ITGA2: variants seen among roughly 807,000 people sequenced by gnomAD.
ITGA2 encodes the protein integrin alpha-2.
In ITGA2, 101 loss-of-function variants were observed where a neutral mutation model predicts 146.3. The ratio of observed to expected loss-of-function variants is 0.69; its 90% CI spans 0.59 to 0.81. ITGA2 has a LOEUF of 0.81. ITGA2 is among the 40% of genes least tolerant of loss of function. ITGA2 has a pLI of 0.00. For missense variants in ITGA2, 1,281 were observed against 1,402.7 expected, an observed-to-expected ratio of 0.91 and a Z score of 1.39; for synonymous variants, 477 against 487.1, an observed-to-expected ratio of 0.98 and a Z score of 0.27.
In ITGA2 at chr5:53,079,768, CAT is replaced by C. The variant is rs994231562; in HGVS notation, c.2929-741_2929-740del. On this transcript the variant is annotated intron_variant, in intron 24 of 29. Coordinates refer to ENST00000296585, the MANE Select transcript of ITGA2 (RefSeq NM_002203.4). The stretch of plus-strand genomic sequence containing the variant: ...CTATTCAATTCGCGGTAATAACATT[CAT>C]AGAGTGTGTAATAAGTATACACCAG... 4.1e-4 allele frequency among the ~76,000 whole-genome samples: 62 copies of C among 152,218 alleles called. 1 individual carries two copies. Among genetic ancestry groups the C allele is most frequent in the African/African-American group, 1.4e-3 (59 of 41,546 alleles).
At chr5:53,014,654 A>G (rs772648869) in intron 1 of ITGA2, among the ~76,000 whole-genome samples, 12 of 152,092 alleles carry the variant, frequency 7.9e-5, no homozygotes, top group Non-Finnish European at 1.5e-4. Flanking sequence ...AATTTTTTGG[A>G]ATAATTTTAG....
At chr5:52,990,364 G>A (rs1435488800) in intron 1 of ITGA2, 1 of 152,346 alleles carries the variant, frequency 6.6e-6, no homozygotes, top group Non-Finnish European at 1.5e-5. Context: ...ACACTAAGAG[G>A]AGGAAATAAG....
intron 17 of ITGA2, among the ~76,000 whole-genome samples, chr5:53,070,684 A>G (rs1745350814): frequency 6.6e-6 from 1 of 152,084 alleles, no homozygotes; most frequent in Middle Eastern, 3.4e-3. Context: ...TAGATGAAAT[A>G]TAGTAGATTA....
At chr5:53,076,605 T>A (rs1745673855) in intron 23 of ITGA2, among the ~76,000 whole-genome samples, 1 of 152,108 alleles carries the variant, frequency 6.6e-6, no homozygotes, top group African/African-American at 2.4e-5. Flanking sequence ...AATTTTTTCC[T>A]TCTTATATTT....
chr5:53,042,452 A>G (rs936338505), intron 3 of ITGA2, among the ~76,000 whole-genome samples: 14 of 152,182 alleles, frequency 9.2e-5, no homozygotes, highest in African/African-American at 3.1e-4. Flanking sequence ...CCTATAGACC[A>G]TGGACTGGTT....
intron 2 of ITGA2, among the ~76,000 whole-genome samples, chr5:53,028,349 A>C (rs1743052809): frequency 6.6e-6 from 1 of 152,218 alleles, no homozygotes; most frequent in African/African-American, 2.4e-5. Flanking sequence ...TAATGTGAGG[A>C]GACTTAGAAA....
chr5:52,998,059 A>G (rs1353063003), intron 1 of ITGA2, among the ~76,000 whole-genome samples: 1 of 152,206 alleles, frequency 6.6e-6, no homozygotes. Context: ...AAATGCCTTT[A>G]TTATTACACA....
At position 53,091,156 on chromosome 5, in the gene ITGA2, TTTTA is replaced by T. The variant is rs1740401589; in HGVS notation, c.*563_*566del. On this transcript the variant is annotated 3_prime_UTR_variant, in exon 30 of 30. Coordinates refer to ENST00000296585, the MANE Select transcript of ITGA2 (RefSeq NM_002203.4). ...CACAGATGATACTTCCAAGTGATAA[TTTTA>T]TTTATAAACTAGGTAAAATTTGTTG... The T allele has an allele frequency of 5.8e-6, 1 of 172,396 alleles. No homozygotes were observed. Among genetic ancestry groups the T allele is most frequent in the South Asian group, 1.6e-4 (1 of 6,392 alleles). The allele number at this position is 172,396 out of a possible 1,614,324, so 10.7% of individuals were successfully genotyped here. A position where few individuals can be genotyped will look rare whatever the true frequency, so the allele number is the denominator to read the frequency against.
chr5:53,071,267 C>A lies in ITGA2; in HGVS notation c.2236-671C>A, dbSNP rs1332985449. ...TTATAGATTCCTTAAAGGAAAAAAT[C>A]TTATTTCCCTTCTCTCCCATCCTGT... On this transcript the variant is annotated intron_variant, in intron 17 of 29. Transcript: ENST00000296585. 2.0e-5 allele frequency among the ~76,000 whole-genome samples: 3 copies of A among 151,908 alleles called. No homozygotes were observed. In the East Asian group the frequency reaches 5.8e-4, roughly 30 times the overall value.
chr5:53,032,793 T>C lies in ITGA2; in HGVS notation c.185+5925T>C, dbSNP rs532305260. ...ATAGTTACCATCCATCTTTTCATCCTATCATAGACAGGAATTTCTTGTATG... is the reference window on the plus strand; with the variant it reads ...ATAGTTACCATCCATCTTTTCATCCCATCATAGACAGGAATTTCTTGTATG... On this transcript the variant is annotated intron_variant, in intron 2 of 29. Coordinates refer to ENST00000296585, the MANE Select transcript of ITGA2 (RefSeq NM_002203.4). Among the ~76,000 whole-genome samples the C allele has an allele frequency of 3.0e-4, 46 of 152,322 alleles. No homozygotes were observed. In the South Asian group the frequency reaches 8.3e-3, roughly 27 times the overall value.
chr5:53,050,301 C>T (rs1744290515), intron 6 of ITGA2, among the ~76,000 whole-genome samples: 1 of 152,114 alleles, frequency 6.6e-6, no homozygotes, highest in Non-Finnish European at 1.5e-5. Flanking sequence ...CCTGTAAGTT[C>T]TAACCTACCA....
At position 53,048,658 on chromosome 5, in the gene ITGA2, T is replaced by C; in HGVS notation, c.518T>C (p.Ile173Thr). Residue 173 changes from isoleucine (I) to threonine (T), a missense_variant, in exon 6 of 30, where the codon ATA becomes ACA. This residue lies in a region of ITGA2 where 795 missense variants were observed against 841.7 expected (regional missense o/e 0.94). Coordinates refer to ENST00000296585, the MANE Select transcript of ITGA2 (RefSeq NM_002203.4). ...TCCTGTGTAGCCTGCCCTTCCCTCA[T>C]AGATGTTGTGGTTGTGTGTGATGAA... ...SPATQPCPSL[I>T]DVVVVCDESN... is the part of the protein sequence containing the mutation. 5 of 1,614,082 alleles carry C rather than the reference T, an allele frequency of 3.1e-6. No individual in the cohort carries two copies. Among genetic ancestry groups the C allele is most frequent in the Non-Finnish European group, 4.2e-6 (5 of 1,179,968 alleles).
chr5:53,003,019 C>T (rs983826790), intron 1 of ITGA2, among the ~76,000 whole-genome samples: 10 of 152,064 alleles, frequency 6.6e-5, no homozygotes, highest in African/African-American at 2.4e-4. Context: ...AGTTCAGTGT[C>T]CTGCTTTATT....
intron 1 of ITGA2, among the ~76,000 whole-genome samples, chr5:52,996,743 TAGTC>T (rs1741278528): frequency 2.6e-5 from 4 of 152,238 alleles, no homozygotes; most frequent in Admixed American, 2.6e-4. Flanking sequence ...ATCAGTGCGT[TAGTC>T]AGATTTCCTA....
At chr5:53,073,334 A>T in intron 20 of ITGA2, 75 bp downstream of exon 20, 1 of 1,522,840 alleles carries the variant, frequency 6.6e-7, no homozygotes, top group Non-Finnish European at 9.1e-7. Context: ...ATGTCCTCTG[A>T]GTTGTTTAAA....
chr5:53,060,937 C>T lies in ITGA2; in HGVS notation c.1349C>T (p.Thr450Ile). 1 of 1,612,488 alleles carries T rather than the reference C, an allele frequency of 6.2e-7. No individual in the cohort carries two copies. Among genetic ancestry groups the T allele is most frequent in the Non-Finnish European group, 8.5e-7 (1 of 1,178,950 alleles). The change falls in exon 12 of 30, where the codon ACT becomes ATT. Residue 450 changes from threonine (T) to isoleucine (I), a missense_variant. By Grantham distance (89) the Thr-to-Ile change is moderately conservative. Around this residue, in one of 3 missense-constraint regions of ITGA2, gnomAD observed 795 missense variants for 841.7 expected, o/e 0.94. Transcript: ENST00000296585. The stretch of plus-strand genomic sequence containing the variant: ...GCTGCAATTTCTACTGGAGAAAGCA[C>T]TCACTTTGTTGCTGGTGCTCCTCGG... ...SVAAISTGES[T>I]HFVAGAPRAN...
intron 24 of ITGA2, 32 bp from the exon 25 acceptor site, chr5:53,080,479 T>G: frequency 6.5e-7 from 1 of 1,533,486 alleles, no homozygotes; most frequent in Non-Finnish European, 9.0e-7. Context: ...TACATCCTGT[T>G]GCAGTACTGG....
chr5:53,000,398 A>G (rs527937976), intron 1 of ITGA2, among the ~76,000 whole-genome samples: 1 of 152,310 alleles, frequency 6.6e-6, no homozygotes, highest in South Asian at 2.1e-4. Flanking sequence ...TATAAACCCA[A>G]GTTGATCCAC....
intron 1 of ITGA2, among the ~76,000 whole-genome samples, chr5:53,020,109 G>T (rs1265755170): frequency 6.6e-6 from 1 of 152,116 alleles, no homozygotes; most frequent in African/African-American, 2.4e-5. Flanking sequence ...TCTCATTCCT[G>T]CACTAAGAAC....
Sources: gnomAD v4.1 joint callset for allele counts (sites outside exome capture counted in the v4.1 genomes callset) on GRCh38, gnomAD v4.1.1 for gene constraint, gnomAD v4.1.1 regional missense constraint, MANE v1.5 for transcripts, NCBI Gene and HGNC (gene_info 2026-07-23, HGNC 2026-07-21) for gene names.